LCA5L: variants seen among roughly 807,000 people sequenced by gnomAD.
LCA5L encodes lebercilin-like protein.
LCA5L carries 35 observed loss-of-function variants against 45.4 expected under a neutral mutation model. The ratio of observed to expected loss-of-function variants is 0.77; its 90% CI spans 0.59 to 1.02. The LOEUF is 1.02. Ranked by LOEUF, LCA5L falls within the 50% of genes least tolerant of loss-of-function variation. The pLI is 0.00. For synonymous variants in LCA5L, 233 were observed against 264.7 expected, an observed-to-expected ratio of 0.88 and a Z score of 1.16; for missense variants, 668 against 761.6, an observed-to-expected ratio of 0.88 and a Z score of 1.45.
intron 2 of LCA5L, among the ~76,000 whole-genome samples, chr21:39,436,327 T>C (rs2076283704): frequency 6.6e-6 from 1 of 152,160 alleles, no homozygotes; most frequent in Non-Finnish European, 1.5e-5. Context: ...TGGTTAATAA[T>C]ACAACTAGAA....
At chr21:39,435,018 A>G (rs2076157794) in intron 3 of LCA5L, among the ~76,000 whole-genome samples, 3 of 152,206 alleles carry the variant, frequency 2.0e-5, no homozygotes, top group African/African-American at 7.2e-5. Context: ...GGCAGCATTT[A>G]TATTTTGAAC....
chr21:39,444,007 C>T (rs986974489), intron 2 of LCA5L, 128 bp downstream of exon 2: 1 of 149,252 alleles, frequency 6.7e-6, no homozygotes, highest in African/African-American at 2.5e-5. Flanking sequence ...TCCAGCCTGG[C>T]CGACAGAGTA....
chr21:39,410,122 C>T, intron 9 of LCA5L, 26 bp from the exon 10 acceptor site: 3 of 1,502,482 alleles, frequency 2.0e-6, no homozygotes, highest in Non-Finnish European at 2.8e-6. Flanking sequence ...GCAGCAAAAA[C>T]ACATTTTGGG....
At position 39,428,190 on chromosome 21, in the gene LCA5L, T is replaced by G. The variant is rs747008978; in HGVS notation, c.304A>C (p.Lys102Gln). 1.9e-6 allele frequency: 3 copies of G among 1,581,422 alleles called. No individual in the cohort carries two copies. Among genetic ancestry groups the G allele is most frequent in the Non-Finnish European group, 2.6e-6 (3 of 1,161,366 alleles). ...TCCTTACCTTTAGATTGGGAGATTT[T>G]AGAAACATTATACTTTTTCTTCTCC... The part of the protein sequence containing the change: ...EKEKKKYNVS[K>Q]ISQSKGQKEI... The change falls in exon 5 of 11, where the codon AAA (lysine) becomes CAA (glutamine). Residue 102 changes from lysine (K) to glutamine (Q), a missense_variant. Lys to Gln is a moderately conservative substitution (Grantham distance 53). Transcript: ENST00000288350.
chr21:39,408,933 T>G (rs1409443206), intron 10 of LCA5L, among the ~76,000 whole-genome samples: 1 of 152,226 alleles, frequency 6.6e-6, no homozygotes, highest in African/African-American at 2.4e-5. Flanking sequence ...TTGAATAATT[T>G]GCTACTCAGT....
intron 10 of LCA5L, chr21:39,407,852 AC>A (rs949302793): frequency 2.6e-5 from 4 of 152,258 alleles, no homozygotes; most frequent in African/African-American, 9.6e-5. Flanking sequence ...CACACCAGTG[AC>A]CACAGTGCAA....
At chr21:39,422,622 C>T (rs2073953728) in intron 6 of LCA5L, 1 of 363,840 alleles carries the variant, frequency 2.7e-6, no homozygotes, top group African/African-American at 2.1e-5. Flanking sequence ...GGGTTGACTT[C>T]AAAGAGAGGT....
intron 6 of LCA5L, among the ~76,000 whole-genome samples, chr21:39,421,343 C>T (rs2073738176): frequency 6.6e-6 from 1 of 152,110 alleles, no homozygotes; most frequent in Non-Finnish European, 1.5e-5. Context: ...CCACCTCGGC[C>T]TCCCAAAGTG....
intron 7 of LCA5L, among the ~76,000 whole-genome samples, chr21:39,418,856 G>A (rs912047894): frequency 6.6e-6 from 1 of 152,072 alleles, no homozygotes; most frequent in Non-Finnish European, 1.5e-5. Flanking sequence ...GCATGAGGAA[G>A]CATAAAATTT....
Position 39,406,442 on chromosome 21 carries a change from CT to C in LCA5L, c.1452del (p.Glu485LysfsTer4). On this transcript the variant is annotated frameshift_variant, in exon 11 of 11. Coordinates refer to ENST00000288350, the MANE Select transcript of LCA5L (RefSeq NM_152505.4). LOFTEE classifies it low-confidence loss of function (END_TRUNC). ...AACTTTTCTCTTACTAGAACATCTT[CT>C]TGATTGCTTTCTCTTTCAGGATGAA... is the stretch of plus-strand genomic sequence containing the variant. ...EVIHPERESN[Q>X]EDVLVREKFK... is the part of the protein sequence containing the mutation. 1 of 1,614,046 alleles carries C rather than the reference CT, an allele frequency of 6.2e-7. No homozygotes were observed. The highest frequency in any genetic ancestry group is 8.5e-7 in the Non-Finnish European group (1 of 1,179,974).
chr21:39,406,570 A>G lies in LCA5L; in HGVS notation c.1325T>C (p.Leu442Pro). 6.2e-7 allele frequency: 1 copy of G among 1,603,868 alleles called. No homozygotes were observed. The highest frequency in any genetic ancestry group is 1.4e-5 in the African/African-American group (1 of 74,002). Residue 442 changes from leucine to proline, a missense_variant, in exon 11 of 11, where the codon CTG becomes CCG. Physicochemically the swap from Leu to Pro is moderately conservative, Grantham distance 98 (BLOSUM62 -3). Coordinates refer to ENST00000288350, the MANE Select transcript of LCA5L (RefSeq NM_152505.4). ...GTCTTTTTGTCTTCCAGTATTCTCC[A>G]GCAGTATTTGGACTTCCAAATGTTT... ...EEKHLEVQIL[L>P]ENTGRQKDKK...
At chr21:39,419,334 G>A (rs1406122905) in intron 7 of LCA5L, among the ~76,000 whole-genome samples, 1 of 151,988 alleles carries the variant, frequency 6.6e-6, no homozygotes, top group East Asian at 1.9e-4. Flanking sequence ...AGACCAGCCT[G>A]GGCAACACAG....
chr21:39,428,765 G>A (rs1029835993), intron 4 of LCA5L, among the ~76,000 whole-genome samples: 74 of 149,856 alleles, frequency 4.9e-4, no homozygotes, highest in African/African-American at 1.6e-3. Context: ...AGTGTGTGCC[G>A]TCACACCTGG....
intron 7 of LCA5L, among the ~76,000 whole-genome samples, chr21:39,416,042 A>C (rs1259048088): frequency 6.6e-6 from 1 of 152,218 alleles, no homozygotes; most frequent in Non-Finnish European, 1.5e-5. Flanking sequence ...ATTCATTAGG[A>C]GTTTCCAAAA....
At chr21:39,435,776 C>T (rs928046966) in intron 2 of LCA5L, among the ~76,000 whole-genome samples, 5 of 152,242 alleles carry the variant, frequency 3.3e-5, no homozygotes, top group African/African-American at 1.2e-4. Flanking sequence ...GCTGGGATTA[C>T]AGGCGCCCGC....
At chr21:39,428,003 C>T in intron 5 of LCA5L, 169 bp downstream of exon 5, 1 of 532,064 alleles carries the variant, frequency 1.9e-6, no homozygotes. Flanking sequence ...TTTATAATTA[C>T]TCTTAATTTC....
chr21:39,420,357 A>G (rs2042074143), intron 7 of LCA5L, among the ~76,000 whole-genome samples: 1 of 152,070 alleles, frequency 6.6e-6, no homozygotes, highest in Non-Finnish European at 1.5e-5. Context: ...GCCCGTCTCT[A>G]CTAAAAATAA....
intron 7 of LCA5L, among the ~76,000 whole-genome samples, chr21:39,418,139 C>A (rs1016468997): frequency 6.6e-6 from 1 of 152,180 alleles, no homozygotes; most frequent in Admixed American, 6.5e-5. Context: ...ATGGGAAAGA[C>A]CTGCCTCTAT....
At chr21:39,422,650 A>C (rs1408183493) in intron 6 of LCA5L, 1 of 412,826 alleles carries the variant, frequency 2.4e-6, no homozygotes, top group Non-Finnish European at 4.3e-6. Context: ...AACACAATGC[A>C]ATCTTTTCAG....
Sources: gnomAD v4.1 joint callset for allele counts (sites outside exome capture counted in the v4.1 genomes callset) on GRCh38, gnomAD v4.1.1 for gene constraint, MANE v1.5 for transcripts, NCBI Gene and HGNC (gene_info 2026-07-23, HGNC 2026-07-21) for gene names.